Variants in KLHDC1 observed in about 807,000 individuals in gnomAD.
KLHDC1 encodes the protein kelch domain containing 1.
In KLHDC1, 53 loss-of-function variants were observed where a neutral mutation model predicts 68.3. The ratio of observed to expected loss-of-function variants is 0.78; its 90% CI spans 0.62 to 0.98. The LOEUF (loss-of-function observed/expected upper bound fraction) is 0.98. Among genes scored for constraint, KLHDC1 ranks in the 50% least tolerant of loss-of-function variants. The pLI, the probability that KLHDC1 is intolerant of heterozygous loss-of-function variation, is 0.00. For missense variants in KLHDC1, 470 were observed against 492.3 expected (o/e 0.95, Z 0.43); for synonymous variants, 148 against 159.0 (o/e 0.93, Z 0.52).
intron 12 of KLHDC1, among the ~76,000 whole-genome samples, chr14:49,744,958 G>A (rs1009162803): frequency 1.3e-5 from 2 of 152,118 alleles, no homozygotes; most frequent in African/African-American, 4.8e-5. Context: ...ACTCTAAAAG[G>A]AGTCTGTACA....
intron 4 of KLHDC1, among the ~76,000 whole-genome samples, chr14:49,717,056 T>C (rs1455353345): frequency 2.0e-5 from 3 of 152,254 alleles, no homozygotes; most frequent in Non-Finnish European, 4.4e-5. Flanking sequence ...CATTCCTTTT[T>C]ATGGCTGAGT....
intron 12 of KLHDC1, among the ~76,000 whole-genome samples, chr14:49,745,167 T>C (rs141218249): frequency 6.6e-6 from 1 of 152,188 alleles, no homozygotes; most frequent in African/African-American, 2.4e-5. Flanking sequence ...AGGAGTATAC[T>C]GTGACATTTA....
chr14:49,732,209 G>C (rs1221074236), intron 8 of KLHDC1, among the ~76,000 whole-genome samples: 1 of 151,220 alleles, frequency 6.6e-6, no homozygotes, highest in African/African-American at 2.4e-5. Flanking sequence ...GTCTCTCTCT[G>C]TCACCCAGGC....
intron 6 of KLHDC1, among the ~76,000 whole-genome samples, chr14:49,726,441 T>C (rs1187176198): frequency 6.6e-6 from 1 of 152,118 alleles, no homozygotes; most frequent in Non-Finnish European, 1.5e-5. Context: ...CATATTCTTC[T>C]CCATGTCAGC....
chr14:49,747,158 A>G (rs569463267), intron 12 of KLHDC1, among the ~76,000 whole-genome samples: 61 of 152,262 alleles, frequency 4.0e-4, no homozygotes, highest in African/African-American at 1.5e-3. Flanking sequence ...CATGTTAGCC[A>G]GGATGGTCTC....
At chr14:49,720,133 T>C (rs950213782) in intron 4 of KLHDC1, among the ~76,000 whole-genome samples, 19 of 152,238 alleles carry the variant, frequency 1.2e-4, no homozygotes, top group African/African-American at 4.1e-4. Context: ...ATTACAGGCA[T>C]GCGCCACCAA....
chr14:49,715,168 G>A (rs1224021135), intron 4 of KLHDC1, among the ~76,000 whole-genome samples: 1 of 149,176 alleles, frequency 6.7e-6, no homozygotes, highest in Non-Finnish European at 1.5e-5. Flanking sequence ...TGTCACCCAG[G>A]CTGGAGTGCA....
At chr14:49,697,667 C>A (rs1887782818) in intron 1 of KLHDC1, among the ~76,000 whole-genome samples, 1 of 152,150 alleles carries the variant, frequency 6.6e-6, no homozygotes, top group African/African-American at 2.4e-5. Flanking sequence ...TTAAATAATT[C>A]TCAGATTCAA....
At position 49,693,157 on chromosome 14, in the gene KLHDC1, G is replaced by T. The variant is rs937371364; in HGVS notation, c.-38G>T. ...AGGCGAGGCCGCCGGGCGGGCAGGGGTTGTGGCGCGGCAAGCGGCGGGCCA... is the reference window on the plus strand; with the variant it reads ...AGGCGAGGCCGCCGGGCGGGCAGGGTTTGTGGCGCGGCAAGCGGCGGGCCA... On this transcript the variant is annotated 5_prime_UTR_variant, in exon 1 of 13. Coordinates refer to ENST00000359332, the MANE Select transcript of KLHDC1 (RefSeq NM_172193.3). 6.4e-7 allele frequency: 1 copy of T among 1,551,472 alleles called. No homozygotes were observed. The highest frequency in any genetic ancestry group is 1.4e-5 in the African/African-American group (1 of 70,300).
At chr14:49,720,513 T>C (rs1888499894) in intron 4 of KLHDC1, among the ~76,000 whole-genome samples, 1 of 152,136 alleles carries the variant, frequency 6.6e-6, no homozygotes, top group South Asian at 2.1e-4. Flanking sequence ...TCTATATTTT[T>C]GCCCTTAAAT....
intron 4 of KLHDC1, among the ~76,000 whole-genome samples, chr14:49,723,087 C>CA (rs144318637): frequency 4.0e-4 from 22 of 54,782 alleles, no homozygotes; most frequent in African/African-American, 1.4e-3. Flanking sequence ...GACTCTGTCT[C>CA]AAAAAAAAAA....
intron 1 of KLHDC1, among the ~76,000 whole-genome samples, chr14:49,699,295 T>A (rs902117539): frequency 2.0e-5 from 3 of 151,974 alleles, no homozygotes; most frequent in African/African-American, 7.2e-5. Context: ...AACACAGATG[T>A]AGATCCTGAG....
At chr14:49,737,838 C>G (rs1888965399) in intron 10 of KLHDC1, among the ~76,000 whole-genome samples, 1 of 138,912 alleles carries the variant, frequency 7.2e-6, no homozygotes, top group Non-Finnish European at 1.5e-5. Flanking sequence ...GCACTCCAGC[C>G]TGGGTGACAG....
chr14:49,713,850 A>ATTTTTTTTTTTTTT (rs869250721), intron 4 of KLHDC1, among the ~76,000 whole-genome samples: 1 of 50,224 alleles, frequency 2.0e-5, no homozygotes, highest in African/African-American at 8.7e-5. Context: ...ATATATATAT[A>ATTTTTTTTTTTTTT]TTTTTTTTTT....
intron 11 of KLHDC1, 150 bp from the exon 12 acceptor site, chr14:49,743,603 A>C: frequency 3.6e-6 from 2 of 560,768 alleles, no homozygotes; most frequent in Admixed American, 3.4e-5. Flanking sequence ...ATGTGTGTGC[A>C]TGAATTTATG....
chr14:49,697,339 T>A (rs1887773962), intron 1 of KLHDC1, among the ~76,000 whole-genome samples: 1 of 152,160 alleles, frequency 6.6e-6, no homozygotes, highest in South Asian at 2.1e-4. Context: ...ACACACACAT[T>A]TATCAGTTAA....
intron 4 of KLHDC1, among the ~76,000 whole-genome samples, chr14:49,720,893 T>A (rs1215643115): frequency 6.6e-6 from 1 of 152,224 alleles, no homozygotes; most frequent in Admixed American, 6.5e-5. Context: ...AATTTTTTTT[T>A]AAAGTTTGCT....
intron 11 of KLHDC1, 134 bp downstream of exon 11, chr14:49,740,316 T>C (rs1458274440): frequency 5.1e-6 from 3 of 584,604 alleles, no homozygotes; most frequent in Non-Finnish European, 6.1e-6. Context: ...GTGGTTTAAT[T>C]AATCTTCAGG....
chr14:49,700,822 T>C (rs556078248), intron 1 of KLHDC1, among the ~76,000 whole-genome samples: 1 of 152,320 alleles, frequency 6.6e-6, no homozygotes, highest in South Asian at 2.1e-4. Context: ...GGCTCACGCC[T>C]GTAATCCCAG....
Sources: allele counts gnomAD v4.1 joint callset (sites outside exome capture counted in the v4.1 genomes callset), GRCh38; gene constraint gnomAD v4.1.1; transcripts MANE v1.5; gene names NCBI Gene and HGNC (gene_info 2026-07-23, HGNC 2026-07-21).